The following ZPR1 variants were observed in gnomAD, a reference collection of about 807,000 sequenced individuals.
ZPR1 encodes the protein zinc finger protein ZPR1.
ZPR1 carries 37 observed loss-of-function variants against 59.6 expected under a neutral mutation model. That is an observed-to-expected ratio of 0.62 (90% CI 0.48 to 0.82). The LOEUF (loss-of-function observed/expected upper bound fraction) is 0.82. Among genes scored for constraint, ZPR1 ranks in the 40% least tolerant of loss-of-function variants. The pLI, the probability that ZPR1 is intolerant of heterozygous loss-of-function variation, is 0.00. For synonymous variants in ZPR1, 191 were observed against 215.2 expected, an observed-to-expected ratio of 0.89 and a Z score of 0.99; for missense variants, 527 against 579.9, an observed-to-expected ratio of 0.91 and a Z score of 0.94.
At chr11:116,779,195 C>G in intron 13 of ZPR1, 136 bp from the exon 14 acceptor site, 1 of 1,206,382 alleles carries the variant, frequency 8.3e-7, no homozygotes, top group Non-Finnish European at 1.1e-6. Flanking sequence ...TTTCCCATGG[C>G]TAGACTGAAC....
chr11:116,780,682 C>G (rs371271112), intron 12 of ZPR1, among the ~76,000 whole-genome samples: 5 of 152,284 alleles, frequency 3.3e-5, no homozygotes, highest in African/African-American at 1.2e-4. Context: ...AAAGACCTAA[C>G]AATTCTGGCA....
At chr11:116,785,010 A>G (rs1201857688) in intron 7 of ZPR1, 89 bp from the exon 8 acceptor site, 13 of 1,605,880 alleles carry the variant, frequency 8.1e-6, no homozygotes, top group East Asian at 4.5e-5. Flanking sequence ...GTGGTCATCT[A>G]TGTTGGTGAC....
intron 13 of ZPR1, 30 bp from the exon 14 acceptor site, chr11:116,779,089 C>A: frequency 6.2e-7 from 1 of 1,610,786 alleles, no homozygotes; most frequent in South Asian, 1.1e-5. Flanking sequence ...CAATCAGTGC[C>A]GCTGTGCCAC....
intron 11 of ZPR1, among the ~76,000 whole-genome samples, 164 bp from the exon 12 acceptor site, chr11:116,782,408 T>C (rs878939334): frequency 1.3e-5 from 2 of 152,188 alleles, no homozygotes; most frequent in African/African-American, 4.8e-5. Context: ...TAGGAGTCTA[T>C]GGGATAATGT....
intron 11 of ZPR1, 75 bp from the exon 12 acceptor site, chr11:116,782,319 G>A: frequency 7.9e-7 from 1 of 1,263,398 alleles, no homozygotes; most frequent in South Asian, 1.2e-5. Flanking sequence ...ACTAGGCAGG[G>A]GGTGACAGTG....
rs1310766010 is a variant in ZPR1, at chr11:116,787,484, C to T, written c.331G>A (p.Glu111Lys). 2 of 1,613,524 alleles carry T rather than the reference C, an allele frequency of 1.2e-6. No homozygotes were observed. The highest frequency in any genetic ancestry group is 2.2e-5 in the South Asian group (2 of 91,066). Residue 111 changes from glutamate (E) to lysine (K), a missense_variant and splice_region_variant, in exon 2 of 14, where the codon GAG (glutamate) becomes AAG (lysine). Coordinates refer to ENST00000227322, the MANE Select transcript of ZPR1 (RefSeq NM_003904.5). ...VRYTLSVRAL[E>K]DMNREVVKTD... ...TACCTGCTCTGAGGTCCTCTCACCT[C>T]CAGAGCCCTGACAGACAAAGTGTAG... is the stretch of plus-strand genomic sequence containing the variant.
At chr11:116,784,777 A>C in intron 8 of ZPR1, 78 bp downstream of exon 8, 2 of 1,443,978 alleles carry the variant, frequency 1.4e-6, no homozygotes, top group Non-Finnish European at 9.7e-7. Flanking sequence ...TTTTCCTTGA[A>C]AGGGATGCTC....
intron 12 of ZPR1, 112 bp downstream of exon 12, chr11:116,782,046 G>T: frequency 4.3e-6 from 3 of 697,048 alleles, no homozygotes; most frequent in Non-Finnish European, 7.1e-6. Flanking sequence ...ACCAGAAGAA[G>T]AATCCCCAAC....
chr11:116,782,061 T>C, intron 12 of ZPR1, 97 bp downstream of exon 12: 1 of 802,166 alleles, frequency 1.2e-6, no homozygotes, highest in Admixed American at 2.6e-5. Flanking sequence ...CCCAACATGA[T>C]GGTTAGATGT....
In ZPR1 at chr11:116,782,091, G is replaced by A. The variant is rs538847401; in HGVS notation, c.1179+67C>T. ...AGATGTTCAAAAAGTGGCAAGACAT[G>A]AGCATGCAGCCTCCTGTTCACTGGA... On this transcript the variant is annotated intron_variant, in intron 12 of 13. Transcript: ENST00000227322. The A allele has an allele frequency of 3.4e-5, 41 of 1,200,780 alleles. 1 individual carries two copies. The Middle Eastern group carries it at 7.7e-4, about 23-fold the overall frequency. The allele number at this position is 1,200,780 out of a possible 1,614,324, so 74.4% of individuals were successfully genotyped here.
In ZPR1 at chr11:116,784,389, G is replaced by A. The variant is rs201594268; in HGVS notation, c.880C>T (p.Arg294Trp). The change falls in exon 9 of 14, where the codon CGG becomes TGG. Residue 294 changes from arginine to tryptophan, a missense_variant. Coordinates refer to ENST00000227322, the MANE Select transcript of ZPR1 (RefSeq NM_003904.5). Reference sequence around the variant, plus strand: ...TGGCGCCCACCCACCTCATTGGTCCGATGCCCACAGTTCTCGCAGTTGGTA... The same window carrying A: ...TGGCGCCCACCCACCTCATTGGTCCAATGCCCACAGTTCTCGCAGTTGGTA... ...MATNCENCGH[R>W]TNEVKSGGAV... is the part of the protein sequence containing the mutation. 1.4e-4 allele frequency: 224 copies of A among 1,614,042 alleles called. No individual in the cohort carries two copies. Among genetic ancestry groups the A allele is most frequent in the Non-Finnish European group, 1.8e-4 (213 of 1,180,002 alleles).
At chr11:116,783,693 A>G in intron 9 of ZPR1, 74 bp from the exon 10 acceptor site, 1 of 1,211,162 alleles carries the variant, frequency 8.3e-7, no homozygotes, top group Non-Finnish European at 1.2e-6. Context: ...CCTGGAGTGT[A>G]GGCTTGGACA....
In ZPR1 at chr11:116,773,819, CTT is replaced by C. The variant is rs1940684388; in HGVS notation, c.*5104_*5105del. On this transcript the variant is annotated 3_prime_UTR_variant, in exon 14 of 14. Coordinates refer to ENST00000227322, the MANE Select transcript of ZPR1 (RefSeq NM_003904.5). ...TCAAGTTTTGGGGGGAAAGAAAAGACTTTATTCTTTGCAGGGGGTTTAGAGCT... is the reference window on the plus strand; with the variant it reads ...TCAAGTTTTGGGGGGAAAGAAAAGACTATTCTTTGCAGGGGGTTTAGAGCT... 6.6e-6 allele frequency: 1 copy of C among 152,178 alleles called. No individual in the cohort carries two copies. Among genetic ancestry groups the C allele is most frequent in the African/African-American group, 2.4e-5 (1 of 41,438 alleles). The allele number at this position is 152,178 out of a possible 1,614,324, so 9.4% of individuals were successfully genotyped here. A position where few individuals can be genotyped will look rare whatever the true frequency, so the allele number is the denominator to read the frequency against.
chr11:116,785,285 A>G, intron 6 of ZPR1, 139 bp from the exon 7 acceptor site: 1 of 1,130,998 alleles, frequency 8.8e-7, no homozygotes, highest in Non-Finnish European at 1.3e-6. Flanking sequence ...GAGAAACCAC[A>G]AAGTAAAGCC....
chr11:116,783,457 A>G, intron 10 of ZPR1, 73 bp downstream of exon 10: 1 of 1,337,924 alleles, frequency 7.5e-7, no homozygotes, highest in East Asian at 2.3e-5. Context: ...TTTCTAAAAG[A>G]CAACTTCCCC....
At position 116,775,987 on chromosome 11, in the gene ZPR1, A is replaced by C. The variant is rs1403033695; in HGVS notation, c.*2938T>G. On this transcript the variant is annotated 3_prime_UTR_variant, in exon 14 of 14. Coordinates refer to ENST00000227322, the MANE Select transcript of ZPR1 (RefSeq NM_003904.5). ...ATCAGGCACATACCACAGGTGTACA[A>C]AGAAGGAAATATACTGATGTTAGAA... 1.3e-5 allele frequency: 2 copies of C among 152,264 alleles called. No homozygotes were observed. The highest frequency in any genetic ancestry group is 1.5e-5 in the Non-Finnish European group (1 of 68,044). 9.4% of individuals were successfully genotyped at this position (152,264 alleles called of 1,614,324 possible).
In ZPR1 at chr11:116,778,001, C is replaced by T. The variant is rs1039784904; in HGVS notation, c.*924G>A. 1 of 152,220 alleles carries T rather than the reference C, an allele frequency of 6.6e-6. No homozygotes were observed. The highest frequency in any genetic ancestry group is 1.5e-5 in the Non-Finnish European group (1 of 68,062). The allele number at this position is 152,220 out of a possible 1,614,324, so 9.4% of individuals were successfully genotyped here. On this transcript the variant is annotated 3_prime_UTR_variant, in exon 14 of 14. Transcript: ENST00000227322. ...CCTCACAGCTCTAGCATTTGCAGTT[C>T]CCTCTGCCAGGAAATCTCTTCCCCC... is the stretch of plus-strand genomic sequence containing the variant.
rs200405951 is a variant in ZPR1, at chr11:116,780,493, C to G, written c.1180-656G>C. On this transcript the variant is annotated intron_variant, in intron 12 of 13. Transcript: ENST00000227322. Reference sequence around the variant, plus strand: ...TCTACCTTCAACTGGGCCAGCACCCCCTGGTCCACAGCTTGCTGATGTTGG... The same window carrying G: ...TCTACCTTCAACTGGGCCAGCACCCGCTGGTCCACAGCTTGCTGATGTTGG... 2.6e-4 allele frequency among the ~76,000 whole-genome samples: 39 copies of G among 150,720 alleles called. 1 individual carries two copies. In the East Asian group the frequency reaches 6.4e-3, roughly 25 times the overall value.
rs1025825796 is a variant in ZPR1 at position 116,778,543 on chromosome 11, C to G, written c.*382G>C. 2 of 206,310 alleles carry G rather than the reference C, an allele frequency of 9.7e-6. No homozygotes were observed. The highest frequency in any genetic ancestry group is 8.8e-5 in the South Asian group (1 of 11,394). 12.8% of individuals were successfully genotyped at this position (206,310 alleles called of 1,614,324 possible). ...GTTCAAAGTCAGTATTTTATATACT[C>G]AAAACCAACAACAAACTCCAGGTGT... On this transcript the variant is annotated 3_prime_UTR_variant, in exon 14 of 14. Transcript: ENST00000227322.
Sources: gnomAD v4.1 joint callset for allele counts (sites outside exome capture counted in the v4.1 genomes callset) on GRCh38, gnomAD v4.1.1 for gene constraint, MANE v1.5 for transcripts, NCBI Gene and HGNC (gene_info 2026-07-23, HGNC 2026-07-21) for gene names.